Variants in EPB41L5 observed in about 807,000 individuals in gnomAD.
EPB41L5 encodes the protein erythrocyte membrane protein band 4.1 like 5.
A neutral mutation model predicts 106.6 loss-of-function variants in EPB41L5; 55 were observed. The observed-to-expected ratio is 0.52, with a 90% confidence interval of 0.42 to 0.65. The LOEUF is 0.65. Ranked by LOEUF, EPB41L5 falls within the 30% of genes least tolerant of loss-of-function variation. EPB41L5 has a pLI of 0.00. For synonymous variants in EPB41L5, 297 were observed against 306.7 expected, an observed-to-expected ratio of 0.97 and a Z score of 0.33; for missense variants, 871 against 882.1, an observed-to-expected ratio of 0.99 and a Z score of 0.16.
At chr2:120,050,303 A>G (rs944665585) in intron 3 of EPB41L5, among the ~76,000 whole-genome samples, 7 of 152,152 alleles carry the variant, frequency 4.6e-5, no homozygotes, top group African/African-American at 1.2e-4. Context: ...AGGTACACCA[A>G]TCAGACATAG....
chr2:120,081,242 G>A (rs1682638837), intron 10 of EPB41L5, among the ~76,000 whole-genome samples: 1 of 152,056 alleles, frequency 6.6e-6, no homozygotes, highest in Admixed American at 6.5e-5. Context: ...ATGGTTTTAG[G>A]TCTAACATTT....
chr2:120,114,279 GCTTGA>G (rs950418150), intron 16 of EPB41L5, among the ~76,000 whole-genome samples: 33 of 152,144 alleles, frequency 2.2e-4, no homozygotes, highest in African/African-American at 6.5e-4. Context: ...CAACTTAATG[GCTTGA>G]CTTAAGAGTT....
chr2:120,177,053 T>A lies in EPB41L5; in HGVS notation c.*2146T>A, dbSNP rs539620572. On this transcript the variant is annotated 3_prime_UTR_variant, in exon 25 of 25. Coordinates refer to ENST00000263713, the MANE Select transcript of EPB41L5 (RefSeq NM_020909.4). ...GGAAGTTCATACTTGAATGCTGAAT[T>A]GGCCCCGACAGATTAAATGCGTGTT... The A allele has an allele frequency of 2.0e-5, 3 of 152,248 alleles. No individual in the cohort carries two copies. The highest frequency in any genetic ancestry group is 7.2e-5 in the African/African-American group (3 of 41,546). 9.4% of individuals were successfully genotyped at this position (152,248 alleles called of 1,614,324 possible).
At chr2:120,061,034 T>C (rs1013899881) in intron 3 of EPB41L5, among the ~76,000 whole-genome samples, 1 of 101,504 alleles carries the variant, frequency 9.9e-6, no homozygotes, top group African/African-American at 3.6e-5. Context: ...CAGGGAAGTT[T>C]TTTTTTTTTT....
chr2:120,107,668 T>A lies in EPB41L5; in HGVS notation c.1337+6854T>A, dbSNP rs1684529317. On this transcript the variant is annotated intron_variant, in intron 16 of 24. Transcript: ENST00000263713. The stretch of plus-strand genomic sequence containing the variant: ...TTCTAGATACTATGAATCGTGGATT[T>A]AGATATGGTAGTCTTCCTCTAACCC... Among the ~76,000 whole-genome samples the A allele has an allele frequency of 3.3e-5, 5 of 152,342 alleles. No homozygotes were observed. In the South Asian group the frequency reaches 1.0e-3, roughly 32 times the overall value.
Position 120,159,849 on chromosome 2 carries a change from A to T in EPB41L5, c.1794-1032A>T, listed in dbSNP as rs191492152. ...TGGTGCTGGCAGACTGGATTTTTAA[A>T]ATGTGGTATGTACACACCTTGAAAT... On this transcript the variant is annotated intron_variant, in intron 20 of 24. Transcript: ENST00000263713. 3.7e-4 allele frequency among the ~76,000 whole-genome samples: 57 copies of T among 152,330 alleles called. No individual in the cohort carries two copies. In the East Asian group the frequency reaches 7.3e-3, roughly 20 times the overall value.
chr2:120,087,883 T>A (rs1181516562), intron 11 of EPB41L5, among the ~76,000 whole-genome samples: 1 of 152,218 alleles, frequency 6.6e-6, no homozygotes, highest in Non-Finnish European at 1.5e-5. Context: ...TACAGTGTGG[T>A]TCTTAATTGA....
intron 2 of EPB41L5, among the ~76,000 whole-genome samples, chr2:120,024,526 A>G (rs6746956): frequency 0.7 from 105,949 of 151,842 alleles, 38,204 homozygotes; most frequent in Non-Finnish European, 0.79. Flanking sequence ...GCGTGATCTC[A>G]GCTCACTGCA....
At chr2:120,173,199 A>T (rs190627632) in intron 24 of EPB41L5, among the ~76,000 whole-genome samples, 48 of 152,392 alleles carry the variant, frequency 3.1e-4, no homozygotes, top group Admixed American at 5.9e-4. Flanking sequence ...TAATTACAAC[A>T]AACACTGAAT....
chr2:120,042,914 AT>A (rs1679490015), intron 3 of EPB41L5, among the ~76,000 whole-genome samples: 1 of 152,068 alleles, frequency 6.6e-6, no homozygotes, highest in African/African-American at 2.4e-5. Context: ...TAAAAGTAAT[AT>A]TAAGGCCTGG....
chr2:120,032,732 T>C (rs1255927047), intron 2 of EPB41L5, among the ~76,000 whole-genome samples: 1 of 152,244 alleles, frequency 6.6e-6, no homozygotes, highest in Non-Finnish European at 1.5e-5. Flanking sequence ...TAGAATCTTC[T>C]GAAGCCTTTA....
intron 1 of EPB41L5, among the ~76,000 whole-genome samples, chr2:120,015,988 G>A (rs1174333645): frequency 6.6e-6 from 1 of 151,008 alleles, no homozygotes; most frequent in African/African-American, 2.4e-5. Context: ...TTAACTGTTT[G>A]CACATTGATG....
intron 16 of EPB41L5, chr2:120,105,493 A>C (rs2121263): frequency 2.0e-6 from 2 of 984,638 alleles, no homozygotes; most frequent in Non-Finnish European, 2.4e-6. Flanking sequence ...ATACTGGACT[A>C]TTGGTTTAAT....
At chr2:120,148,111 C>T (rs1686491955) in intron 20 of EPB41L5, among the ~76,000 whole-genome samples, 1 of 152,164 alleles carries the variant, frequency 6.6e-6, no homozygotes, top group African/African-American at 2.4e-5. Flanking sequence ...AGCTTTGTCA[C>T]ATCTTAACAT....
chr2:120,124,268 C>A (rs990533492), intron 16 of EPB41L5, among the ~76,000 whole-genome samples: 11 of 152,176 alleles, frequency 7.2e-5, no homozygotes, highest in Non-Finnish European at 1.5e-4. Flanking sequence ...CTATTTAGAT[C>A]ATCTGACCTT....
chr2:120,091,643 C>A lies in EPB41L5; in HGVS notation c.1132C>A (p.Arg378=). 1 of 1,612,788 alleles carries A rather than the reference C, an allele frequency of 6.2e-7. No homozygotes were observed. The highest frequency in any genetic ancestry group is 8.5e-7 in the Non-Finnish European group (1 of 1,179,024). The change falls in exon 13 of 25, where the codon CGA becomes AGA. Residue 378 remains arginine, a synonymous_variant. Transcript: ENST00000263713. ...ERRPSKRYSR[R]TLQMKACATK... ...AAGGCCCAGCAAACGATATTCTAGA[C>A]GAACTCTACAAATGAAAGGTGAAGT...
chr2:120,168,130 G>A, intron 24 of EPB41L5, 123 bp downstream of exon 24: 1 of 1,129,212 alleles, frequency 8.9e-7, no homozygotes, highest in Admixed American at 2.9e-5. Flanking sequence ...TTGAAATGGG[G>A]CAAATCTTTT....
At chr2:120,021,936 T>G (rs1574468704) in intron 2 of EPB41L5, among the ~76,000 whole-genome samples, 1 of 152,258 alleles carries the variant, frequency 6.6e-6, no homozygotes, top group East Asian at 1.9e-4. Flanking sequence ...AGGATAAGGG[T>G]CACTAGTGAT....
intron 2 of EPB41L5, among the ~76,000 whole-genome samples, chr2:120,022,991 G>A (rs1353951378): frequency 6.6e-6 from 1 of 152,098 alleles, no homozygotes; most frequent in Admixed American, 6.5e-5. Context: ...TTTGAGAAGT[G>A]TCCATTCATA....
Sources: gnomAD v4.1 joint callset for allele counts (sites outside exome capture counted in the v4.1 genomes callset) on GRCh38, gnomAD v4.1.1 for gene constraint, MANE v1.5 for transcripts, NCBI Gene and HGNC (gene_info 2026-07-23, HGNC 2026-07-21) for gene names.